Variants in PLCXD3 observed in about 807,000 individuals in gnomAD.
PLCXD3 encodes the protein phosphatidylinositol specific phospholipase C X domain containing 3.
Under a neutral mutation model 25.5 loss-of-function variants are expected in PLCXD3, and 19 were observed. That is an observed-to-expected ratio of 0.75 (90% CI 0.52 to 1.09). The LOEUF (loss-of-function observed/expected upper bound fraction) is 1.09. Among genes scored for constraint, PLCXD3 ranks in the 50% least tolerant of loss-of-function variants. PLCXD3 has a pLI of 0.00. For missense variants in PLCXD3, 411 were observed against 388.1 expected, an observed-to-expected ratio of 1.06 and a Z score of -0.50; for synonymous variants, 174 against 137.6, an observed-to-expected ratio of 1.26 and a Z score of -1.85.
chr5:41,498,622 G>C (rs1411962507), intron 1 of PLCXD3, among the ~76,000 whole-genome samples: 1 of 151,648 alleles, frequency 6.6e-6, no homozygotes, highest in African/African-American at 2.4e-5. Flanking sequence ...CAAAAAAACT[G>C]AAGAGAAGTG....
At chr5:41,438,233 G>A (rs758673739) in intron 1 of PLCXD3, among the ~76,000 whole-genome samples, 1 of 152,162 alleles carries the variant, frequency 6.6e-6, no homozygotes, top group Admixed American at 6.5e-5. Context: ...AAAAAGTATT[G>A]TGCTTCTTAT....
intron 1 of PLCXD3, among the ~76,000 whole-genome samples, chr5:41,466,270 G>C (rs1748016411): frequency 2.0e-5 from 3 of 151,918 alleles, no homozygotes; most frequent in Non-Finnish European, 4.4e-5. Context: ...AACAGAAAAA[G>C]TACATTAAAA....
chr5:41,456,318 A>G (rs1213382692), intron 1 of PLCXD3, among the ~76,000 whole-genome samples: 1 of 151,932 alleles, frequency 6.6e-6, no homozygotes, highest in East Asian at 1.9e-4. Flanking sequence ...TAATCTTTGT[A>G]CAATCACTTA....
At chr5:41,385,850 T>G (rs967664241) in intron 1 of PLCXD3, among the ~76,000 whole-genome samples, 1 of 152,086 alleles carries the variant, frequency 6.6e-6, no homozygotes, top group African/African-American at 2.4e-5. Context: ...AGCAGAGGTC[T>G]TTAGACTAAC....
intron 1 of PLCXD3, among the ~76,000 whole-genome samples, chr5:41,387,965 C>T (rs1483527196): frequency 6.6e-6 from 1 of 151,998 alleles, no homozygotes; most frequent in Non-Finnish European, 1.5e-5. Flanking sequence ...TGGGCTTATG[C>T]AAATAATTTT....
intron 2 of PLCXD3, among the ~76,000 whole-genome samples, chr5:41,350,608 A>G (rs990002428): frequency 6.6e-6 from 1 of 152,306 alleles, no homozygotes; most frequent in East Asian, 1.9e-4. Context: ...AAAAAATACA[A>G]TAGGGTATTC....
At chr5:41,410,924 C>T (rs1475454069) in intron 1 of PLCXD3, among the ~76,000 whole-genome samples, 1 of 152,164 alleles carries the variant, frequency 6.6e-6, no homozygotes, top group Admixed American at 6.5e-5. Flanking sequence ...ACTGGAGCCT[C>T]CTGGTGGTGG....
intron 1 of PLCXD3, among the ~76,000 whole-genome samples, chr5:41,470,213 A>G (rs558292588): frequency 6.6e-6 from 1 of 152,330 alleles, no homozygotes; most frequent in African/African-American, 2.4e-5. Context: ...GATATTTTGA[A>G]AGAAGACAAA....
At position 41,311,070 on chromosome 5, in the gene PLCXD3, C is replaced by T. The variant is rs998138588; in HGVS notation, c.*2547G>A. On this transcript the variant is annotated 3_prime_UTR_variant, in exon 3 of 3. Coordinates refer to ENST00000377801, the MANE Select transcript of PLCXD3 (RefSeq NM_001005473.3). ...AACATAGTTACCTCTATATTTTATT[C>T]ATGATATGATGAAAAATCTGTTTTC... 6.6e-6 allele frequency: 1 copy of T among 152,070 alleles called. No homozygotes were observed. Among genetic ancestry groups the T allele is most frequent in the African/African-American group, 2.4e-5 (1 of 41,434 alleles). 9.4% of individuals were successfully genotyped at this position (152,070 alleles called of 1,614,324 possible). A position where few individuals can be genotyped will look rare whatever the true frequency, so the allele number is the denominator to read the frequency against.
At chr5:41,445,467 G>C (rs951098200) in intron 1 of PLCXD3, among the ~76,000 whole-genome samples, 1 of 152,164 alleles carries the variant, frequency 6.6e-6, no homozygotes, top group Non-Finnish European at 1.5e-5. Flanking sequence ...AGAAGGTAAA[G>C]AATTTGTCTC....
At chr5:41,314,066 A>G (rs896904898) in intron 2 of PLCXD3, among the ~76,000 whole-genome samples, 13 of 152,216 alleles carry the variant, frequency 8.5e-5, no homozygotes, top group Non-Finnish European at 1.9e-4. Flanking sequence ...TTGCATTTGT[A>G]TTCTGATTTA....
chr5:41,499,858 AC>A (rs1748917103), intron 1 of PLCXD3, among the ~76,000 whole-genome samples: 1 of 151,814 alleles, frequency 6.6e-6, no homozygotes, highest in South Asian at 2.1e-4. Flanking sequence ...CTTATCTTTG[AC>A]AAAATACTAA....
At chr5:41,374,421 G>T (rs1452682692) in intron 2 of PLCXD3, among the ~76,000 whole-genome samples, 1 of 152,082 alleles carries the variant, frequency 6.6e-6, no homozygotes, top group African/African-American at 2.4e-5. Flanking sequence ...ATTCTGAATT[G>T]GTCCCGGCAC....
intron 2 of PLCXD3, among the ~76,000 whole-genome samples, chr5:41,333,796 C>A (rs1310017642): frequency 6.6e-6 from 1 of 152,044 alleles, no homozygotes; most frequent in African/African-American, 2.4e-5. Context: ...TATGTATTTT[C>A]AGAACTAATT....
chr5:41,452,998 G>A (rs1201564850), intron 1 of PLCXD3, among the ~76,000 whole-genome samples: 3 of 151,784 alleles, frequency 2.0e-5, no homozygotes, highest in Admixed American at 6.6e-5. Flanking sequence ...TCACATATTT[G>A]TCATTCATTT....
chr5:41,309,003 C>T lies in PLCXD3; in HGVS notation c.*4614G>A, dbSNP rs1019780936. On this transcript the variant is annotated 3_prime_UTR_variant, in exon 3 of 3. Coordinates refer to ENST00000377801, the MANE Select transcript of PLCXD3 (RefSeq NM_001005473.3). ...TTTAACAAAAACTTAATTTCTGTTT[C>T]AATTTTAAATCCAAATTGCAAAAAC... is the stretch of plus-strand genomic sequence containing the variant. 6.6e-6 allele frequency: 1 copy of T among 152,418 alleles called. No homozygotes were observed. The highest frequency in any genetic ancestry group is 2.1e-4 in the South Asian group (1 of 4,818). 9.4% of individuals were successfully genotyped at this position (152,418 alleles called of 1,614,324 possible).
At position 41,381,926 on chromosome 5, in the gene PLCXD3, T is replaced by C; in HGVS notation, c.712A>G (p.Lys238Glu). ...TGAGATATAAAAAACGATCCCTTCT[T>C]TCTTCTCTCAGTGATGGATGCTTGA... ...FLQASITERR[K>E]KGSFFISQVV... Residue 238 changes from lysine (K) to glutamate (E), a missense_variant, in exon 2 of 3, where the codon AAG (lysine) becomes GAG (glutamate). Physicochemically the swap from Lys to Glu is moderately conservative, Grantham distance 56. Transcript: ENST00000377801. The C allele has an allele frequency of 6.2e-7, 1 of 1,613,424 alleles. No individual in the cohort carries two copies. Among genetic ancestry groups the C allele is most frequent in the Non-Finnish European group, 8.5e-7 (1 of 1,179,676 alleles).
intron 1 of PLCXD3, among the ~76,000 whole-genome samples, chr5:41,427,645 T>C (rs1746993414): frequency 6.6e-6 from 1 of 152,182 alleles, no homozygotes; most frequent in Non-Finnish European, 1.5e-5. Flanking sequence ...ACATATGTTC[T>C]GGAACTTTTT....
chr5:41,411,057 A>T (rs1349968436), intron 1 of PLCXD3, among the ~76,000 whole-genome samples: 1 of 152,116 alleles, frequency 6.6e-6, no homozygotes, highest in Non-Finnish European at 1.5e-5. Flanking sequence ...ACAAGTCCAT[A>T]TCACTAAAAC....
Sources: allele counts gnomAD v4.1 joint callset (sites outside exome capture counted in the v4.1 genomes callset), GRCh38; gene constraint gnomAD v4.1.1; transcripts MANE v1.5; gene names NCBI Gene and HGNC (gene_info 2026-07-23, HGNC 2026-07-21).